The following TNFRSF1B variants were observed in gnomAD, a reference collection of about 807,000 sequenced individuals.
The protein encoded by TNFRSF1B is tumor necrosis factor receptor superfamily member 1B.
In TNFRSF1B, 19 loss-of-function variants were observed where a neutral mutation model predicts 44.6. The ratio of observed to expected loss-of-function variants is 0.43; its 90% CI spans 0.30 to 0.62. The LOEUF is 0.62. Among genes scored for constraint, TNFRSF1B ranks in the 20% least tolerant of loss-of-function variants. TNFRSF1B has a pLI of 0.16. For synonymous variants in TNFRSF1B, 252 were observed against 261.1 expected (o/e 0.97, Z 0.34); for missense variants, 541 against 619.9 (o/e 0.87, Z 1.35).
At chr1:12,196,950 T>TTC (rs1491019326) in intron 8 of TNFRSF1B, among the ~76,000 whole-genome samples, 84 of 150,840 alleles carry the variant, frequency 5.6e-4, no homozygotes, top group African/African-American at 2.0e-3. Flanking sequence ...ATTTTTTTTT[T>TTC]CTTTCTTTCT....
In TNFRSF1B at chr1:12,183,707, T is replaced by A. The variant is rs1329323350; in HGVS notation, c.79-5089T>A. Among the ~76,000 whole-genome samples the A allele has an allele frequency of 8.9e-3, 953 of 106,998 alleles. 11 individuals are homozygous for A. The highest frequency in any genetic ancestry group is 0.013 in the Non-Finnish European group (584 of 45,944). The allele number at this position is 106,998 out of a possible 152,430, so 70.2% of individuals were successfully genotyped here. Reference sequence around the variant, plus strand: ...ATCTATCTATCTATCTATCTATCTATCTATTCTATCTACCTATCTATCTAT... The same window carrying A: ...ATCTATCTATCTATCTATCTATCTAACTATTCTATCTACCTATCTATCTAT... On this transcript the variant is annotated intron_variant, in intron 1 of 9. Coordinates refer to ENST00000376259, the MANE Select transcript of TNFRSF1B (RefSeq NM_001066.3).
At chr1:12,191,149 C>G in intron 3 of TNFRSF1B, 64 bp downstream of exon 3, 1 of 1,582,552 alleles carries the variant, frequency 6.3e-7, no homozygotes, top group Middle Eastern at 1.9e-4. Flanking sequence ...CCGGCAACTC[C>G]AGCCTCTTTG....
intron 8 of TNFRSF1B, among the ~76,000 whole-genome samples, chr1:12,198,174 T>C (rs235249): frequency 0.23 from 34,893 of 149,440 alleles, 4,145 homozygotes; most frequent in Middle Eastern, 0.27. Flanking sequence ...ATCACCCCCA[T>C]GGACACGGAC....
At chr1:12,192,625 A>C (rs1251208548) in intron 5 of TNFRSF1B, 101 bp downstream of exon 5, 1 of 1,227,678 alleles carries the variant, frequency 8.1e-7, no homozygotes, top group Non-Finnish European at 1.2e-6. Flanking sequence ...ACCATTGTCC[A>C]GACTGCTTTA....
intron 1 of TNFRSF1B, among the ~76,000 whole-genome samples, chr1:12,174,154 T>TCTTCTC (rs1557623646): frequency 6.9e-4 from 51 of 74,072 alleles, no homozygotes; most frequent in Non-Finnish European, 3.2e-4. Flanking sequence ...TTCTTCTTCT[T>TCTTCTC]CTTCTTCTTC....
At position 12,199,192 on chromosome 1, in the gene TNFRSF1B, G is replaced by GCA. The variant is rs1433788286; in HGVS notation, c.901-2772_901-2771dup. Among the ~76,000 whole-genome samples, 3 of 152,218 alleles carry GCA rather than the reference G, an allele frequency of 2.0e-5. No individual in the cohort carries two copies. The highest frequency in any genetic ancestry group is 2.9e-5 in the Non-Finnish European group (2 of 68,036). ...TGTAGCCACCAGCAGAGGGGGTGGG[G>GCA]CACAGGCCAGAAAAACCCCTTTTGT... On this transcript the variant is annotated intron_variant, in intron 8 of 9. Coordinates refer to ENST00000376259, the MANE Select transcript of TNFRSF1B (RefSeq NM_001066.3). This position sits in a 1 kb window ranked among gnomAD's most constrained non-coding sequence, Gnocchi z 4.0.
At chr1:12,196,993 G>T (rs982221127) in intron 8 of TNFRSF1B, among the ~76,000 whole-genome samples, 5 of 150,846 alleles carry the variant, frequency 3.3e-5, no homozygotes, top group Admixed American at 3.3e-4. Context: ...TGTCGCCCAG[G>T]CTGCAGTGCA....
intron 1 of TNFRSF1B, 136 bp from the exon 2 acceptor site, chr1:12,188,660 A>G (rs41278642): frequency 5.8e-5 from 44 of 763,524 alleles, no homozygotes; most frequent in Non-Finnish European, 8.7e-5. Context: ...CTCCAGGGGG[A>G]GAAACCTCCC....
At chr1:12,188,768 G>T (rs775453272) in intron 1 of TNFRSF1B, 28 bp from the exon 2 acceptor site, 4 of 1,608,288 alleles carry the variant, frequency 2.5e-6, no homozygotes, top group South Asian at 1.1e-5. Flanking sequence ...CGGCCCTGTT[G>T]ATGGCAGTCT....
rs527189 is a variant in TNFRSF1B, at chr1:12,181,205, T to C, written c.79-7591T>C. 7.7e-3 allele frequency among the ~76,000 whole-genome samples: 1,171 copies of C among 152,296 alleles called. 7 individuals are homozygous for C. Among genetic ancestry groups the C allele is most frequent in the African/African-American group, 0.025 (1,044 of 41,578 alleles). ...CTTTGCAAGGCCCACACGGGCCATC[T>C]AACACCCCACTAAAGCCGGGCAGTT... On this transcript the variant is annotated intron_variant, in intron 1 of 9. Transcript: ENST00000376259.
intron 3 of TNFRSF1B, 152 bp from the exon 4 acceptor site, chr1:12,191,622 C>T (rs1183165405): frequency 5.6e-6 from 5 of 891,994 alleles, no homozygotes; most frequent in East Asian, 2.6e-5. Context: ...GGTCCTGCCC[C>T]TGGACTCTGG....
chr1:12,179,154 C>T (rs1307893068), intron 1 of TNFRSF1B, among the ~76,000 whole-genome samples: 1 of 152,126 alleles, frequency 6.6e-6, no homozygotes, highest in Non-Finnish European at 1.5e-5. Flanking sequence ...GATACCAGCC[C>T]AGTCTTCCTG....
chr1:12,186,175 G>A lies in TNFRSF1B; in HGVS notation c.79-2621G>A, dbSNP rs777475414. On this transcript the variant is annotated intron_variant, in intron 1 of 9. Coordinates refer to ENST00000376259, the MANE Select transcript of TNFRSF1B (RefSeq NM_001066.3). This position sits in a 1 kb window ranked among gnomAD's most constrained non-coding sequence, Gnocchi z 4.8. ...CTGAGGGATTCCAGCTGTTGGCACC[G>A]AGGGGTGCAGCCAGGGCAGGGTGGT... Among the ~76,000 whole-genome samples, 44 of 152,194 alleles carry A rather than the reference G, an allele frequency of 2.9e-4. No homozygotes were observed. Among genetic ancestry groups the A allele is most frequent in the Non-Finnish European group, 1.0e-4 (7 of 68,016 alleles).
At chr1:12,190,284 C>T (rs1349120170) in intron 2 of TNFRSF1B, among the ~76,000 whole-genome samples, 1 of 151,822 alleles carries the variant, frequency 6.6e-6, no homozygotes, top group African/African-American at 2.4e-5. Flanking sequence ...CATGGTGGAA[C>T]CCGTCTCTAC....
intron 1 of TNFRSF1B, among the ~76,000 whole-genome samples, chr1:12,184,088 G>T (rs1638918940): frequency 6.6e-6 from 1 of 152,198 alleles, no homozygotes; most frequent in African/African-American, 2.4e-5. Flanking sequence ...GGGGTGAGTG[G>T]GGTGTGAATT....
At position 12,186,118 on chromosome 1, in the gene TNFRSF1B, C is replaced by T. The variant is rs474247; in HGVS notation, c.79-2678C>T. ...AGAAGAGTGGCAGATTGCTCCATGG[C>T]AGGAAGCCCCAGCTCCTCTGGGTCG... On this transcript the variant is annotated intron_variant, in intron 1 of 9. Transcript: ENST00000376259. This position sits in a 1 kb window ranked among gnomAD's most constrained non-coding sequence, Gnocchi z 4.8. 0.18 allele frequency among the ~76,000 whole-genome samples: 27,988 copies of T among 152,160 alleles called. 2,846 individuals carry two copies. The highest frequency in any genetic ancestry group is 0.37 in the East Asian group (1,898 of 5,172).
In TNFRSF1B at chr1:12,178,177, A is replaced by G. The variant is rs1450700658; in HGVS notation, c.79-10619A>G. Among the ~76,000 whole-genome samples, 1 of 152,166 alleles carries G rather than the reference A, an allele frequency of 6.6e-6. No homozygotes were observed. Among genetic ancestry groups the G allele is most frequent in the Non-Finnish European group, 1.5e-5 (1 of 68,028 alleles). ...TAAGTCCATTTCCTGCCCATTTCTC[A>G]TGCTAGCTCCAGCTCATTTCAACTA... On this transcript the variant is annotated intron_variant, in intron 1 of 9. Transcript: ENST00000376259. The surrounding 1 kb of genome is among the most constrained non-coding windows in gnomAD (Gnocchi z 4.3).
intron 1 of TNFRSF1B, among the ~76,000 whole-genome samples, chr1:12,182,153 T>C (rs1254401644): frequency 6.6e-6 from 1 of 152,222 alleles, no homozygotes; most frequent in Non-Finnish European, 1.5e-5. Flanking sequence ...TCTTTGAGGC[T>C]AGTTTCTTCA....
chr1:12,194,478 G>T, intron 7 of TNFRSF1B, 106 bp from the exon 8 acceptor site: 1 of 1,223,444 alleles, frequency 8.2e-7, no homozygotes, highest in Non-Finnish European at 1.2e-6. Flanking sequence ...GTCCCCACAG[G>T]GCTGGGCCTC....
Sources: allele counts gnomAD v4.1 joint callset (sites outside exome capture counted in the v4.1 genomes callset), GRCh38; gene constraint gnomAD v4.1.1; non-coding constraint Gnocchi (gnomAD v3.1); transcripts MANE v1.5; gene names NCBI Gene and HGNC (gene_info 2026-07-23, HGNC 2026-07-21).